The following GLI2 variants were observed in gnomAD, a reference collection of about 807,000 sequenced individuals.
The protein encoded by GLI2 is GLI family zinc finger 2.
A neutral mutation model predicts 78.9 loss-of-function variants in GLI2; 22 were observed. That is an observed-to-expected ratio of 0.28 (90% CI 0.20 to 0.40). GLI2 has a LOEUF of 0.40. Ranked by LOEUF, GLI2 falls within the 10% of genes least tolerant of loss-of-function variation. The pLI is 1.00. For synonymous variants in GLI2, 974 were observed against 963.7 expected, an observed-to-expected ratio of 1.01 and a Z score of -0.20; for missense variants, 2,097 against 2,213.2, an observed-to-expected ratio of 0.95 and a Z score of 1.05.
chr2:120,818,990 T>C (rs1219578087), intron 2 of GLI2, among the ~76,000 whole-genome samples: 1 of 152,096 alleles, frequency 6.6e-6, no homozygotes, highest in East Asian at 1.9e-4. Context: ...TTTGTTAGAA[T>C]AGTTTCTAAG....
intron 2 of GLI2, among the ~76,000 whole-genome samples, chr2:120,874,595 C>T (rs551356481): frequency 1.3e-5 from 2 of 152,320 alleles, no homozygotes; most frequent in African/African-American, 2.4e-5. Flanking sequence ...ATCTATCATC[C>T]GTGACCTGTA....
At chr2:120,876,610 G>T (rs1395816940) in intron 2 of GLI2, among the ~76,000 whole-genome samples, 2 of 151,980 alleles carry the variant, frequency 1.3e-5, no homozygotes, top group Non-Finnish European at 2.9e-5. Flanking sequence ...GGAGGAGGGG[G>T]ACTTTTCTTG....
intron 5 of GLI2, among the ~76,000 whole-genome samples, chr2:120,956,001 T>G (rs945755491): frequency 6.6e-6 from 1 of 152,064 alleles, no homozygotes; most frequent in African/African-American, 2.4e-5. Flanking sequence ...TGCCAGCCAG[T>G]GCACCTCAGA....
At chr2:120,868,720 C>T (rs77255377) in intron 2 of GLI2, among the ~76,000 whole-genome samples, 5 of 152,048 alleles carry the variant, frequency 3.3e-5, no homozygotes, top group Admixed American at 1.3e-4. Context: ...GAGAAATGGT[C>T]GAGGGAAGAG....
intron 2 of GLI2, among the ~76,000 whole-genome samples, chr2:120,864,650 T>C (rs1688045068): frequency 6.6e-6 from 1 of 152,122 alleles, no homozygotes. Flanking sequence ...TTTTTTGTAT[T>C]TTTAGCCAGG....
chr2:120,923,830 CAT>C (rs1486394082), intron 2 of GLI2, among the ~76,000 whole-genome samples: 1 of 152,146 alleles, frequency 6.6e-6, no homozygotes, highest in African/African-American at 2.4e-5. Flanking sequence ...ATACCACACA[CAT>C]ATGCAAACAC....
chr2:120,939,483 G>A (rs76551873), intron 3 of GLI2, among the ~76,000 whole-genome samples: 148 of 152,162 alleles, frequency 9.7e-4, no homozygotes, highest in Middle Eastern at 3.4e-3. Context: ...ATCTTATGAC[G>A]GTTTTACCTT....
intron 2 of GLI2, among the ~76,000 whole-genome samples, chr2:120,824,153 G>A (rs1685920657): frequency 6.6e-6 from 1 of 152,208 alleles, no homozygotes; most frequent in South Asian, 2.1e-4. Flanking sequence ...TAAAGCACCA[G>A]TGGAACCCAG....
chr2:120,982,594 C>A, intron 10 of GLI2, 122 bp from the exon 11 acceptor site: 2 of 746,314 alleles, frequency 2.7e-6, no homozygotes, highest in Non-Finnish European at 4.5e-6. Flanking sequence ...CCTTAAAATG[C>A]ATGCTTCTGA....
intron 1 of GLI2, among the ~76,000 whole-genome samples, chr2:120,742,768 T>C (rs1173428085): frequency 1.3e-5 from 2 of 152,170 alleles, no homozygotes; most frequent in East Asian, 1.9e-4. Flanking sequence ...TGATTTCTTT[T>C]CAATTCCTAC....
At chr2:120,855,356 G>C (rs923876269) in intron 2 of GLI2, among the ~76,000 whole-genome samples, 6 of 152,136 alleles carry the variant, frequency 3.9e-5, no homozygotes, top group Non-Finnish European at 7.4e-5. Context: ...CAAGAAACTT[G>C]GTTGGTCAGG....
intron 13 of GLI2, among the ~76,000 whole-genome samples, 179 bp from the exon 14 acceptor site, chr2:120,988,029 G>A (rs975919223): frequency 6.6e-6 from 1 of 152,186 alleles, no homozygotes; most frequent in African/African-American, 2.4e-5. Context: ...GGAGTTCAAG[G>A]CCAGCCTGGG....
intron 10 of GLI2, among the ~76,000 whole-genome samples, chr2:120,981,983 G>A (rs995567723): frequency 6.6e-6 from 1 of 152,196 alleles, no homozygotes; most frequent in Non-Finnish European, 1.5e-5. Flanking sequence ...AAATGATTAA[G>A]ATCATTATAA....
intron 2 of GLI2, among the ~76,000 whole-genome samples, chr2:120,886,850 C>G (rs1677437877): frequency 6.6e-6 from 1 of 152,198 alleles, no homozygotes; most frequent in Non-Finnish European, 1.5e-5. Flanking sequence ...GGAGACCCTG[C>G]CCAGGAGCAA....
rs1285314815 is a variant in GLI2, at chr2:120,800,137, G to C, written c.148+2669G>C. 6.6e-6 allele frequency among the ~76,000 whole-genome samples: 1 copy of C among 152,212 alleles called. No individual in the cohort carries two copies. Among genetic ancestry groups the C allele is most frequent in the Non-Finnish European group, 1.5e-5 (1 of 68,028 alleles). On this transcript the variant is annotated intron_variant, in intron 2 of 13. Transcript: ENST00000361492. This position sits in a 1 kb window ranked among gnomAD's most constrained non-coding sequence, Gnocchi z 4.1. ...GCACAGGGCTGGGTGTGGACAGTGGGTGAGGAGGGGCCGTGAGGGACTGTA... is the reference window on the plus strand; with the variant it reads ...GCACAGGGCTGGGTGTGGACAGTGGCTGAGGAGGGGCCGTGAGGGACTGTA...
intron 2 of GLI2, among the ~76,000 whole-genome samples, chr2:120,902,270 TAAC>T (rs148015423): frequency 0.019 from 2,843 of 149,724 alleles, 106 homozygotes; most frequent in African/African-American, 0.066. Context: ...TGCAGCTATT[TAAC>T]AACCGGCTAT....
intron 2 of GLI2, among the ~76,000 whole-genome samples, chr2:120,847,115 C>T (rs1238820178): frequency 1.3e-5 from 2 of 151,992 alleles, no homozygotes; most frequent in East Asian, 1.9e-4. Context: ...GGCAACCAAT[C>T]ATCCGGGTTT....
chr2:120,780,192 C>T (rs1168175208), intron 1 of GLI2, among the ~76,000 whole-genome samples: 2 of 151,998 alleles, frequency 1.3e-5, no homozygotes, highest in Non-Finnish European at 1.5e-5. Flanking sequence ...TGTGGGCGGG[C>T]GTGCCACACA....
chr2:120,792,400 G>A (rs1209116196), intron 1 of GLI2: 3 of 152,232 alleles, frequency 2.0e-5, no homozygotes, highest in Non-Finnish European at 4.4e-5. Flanking sequence ...CTGTGATCAA[G>A]AATACATGTG....
Sources: allele counts gnomAD v4.1 joint callset (sites outside exome capture counted in the v4.1 genomes callset), GRCh38; gene constraint gnomAD v4.1.1; non-coding constraint Gnocchi (gnomAD v3.1); transcripts MANE v1.5; gene names NCBI Gene and HGNC (gene_info 2026-07-23, HGNC 2026-07-21).